The following TMC1 variants were observed in gnomAD, a reference collection of about 807,000 sequenced individuals.
The protein encoded by TMC1 is transmembrane channel like 1, also known as transmembrane channel-like protein 1.
Under a neutral mutation model 105.8 loss-of-function variants are expected in TMC1, and 84 were observed. The observed-to-expected ratio is 0.79, with a 90% confidence interval of 0.67 to 0.95. The LOEUF (loss-of-function observed/expected upper bound fraction) is 0.95, where lower values mean the gene tolerates loss of function less well. Among genes scored for constraint, TMC1 ranks in the 40% least tolerant of loss-of-function variants. The pLI is 0.00. For synonymous variants in TMC1, 315 were observed against 311.5 expected, an observed-to-expected ratio of 1.01 and a Z score of -0.12; for missense variants, 817 against 914.1, an observed-to-expected ratio of 0.89 and a Z score of 1.37.
intron 2 of TMC1, among the ~76,000 whole-genome samples, chr9:72,599,493 A>G (rs1013946512): frequency 6.6e-6 from 1 of 152,198 alleles, no homozygotes; most frequent in Non-Finnish European, 1.5e-5. Flanking sequence ...TGAATTTTCT[A>G]AGAAAAGGCC....
At chr9:72,573,351 G>A (rs1824320595) in intron 1 of TMC1, among the ~76,000 whole-genome samples, 1 of 152,172 alleles carries the variant, frequency 6.6e-6, no homozygotes, top group Non-Finnish European at 1.5e-5. Flanking sequence ...TGGACAGTGT[G>A]TTCTCCTCTA....
Position 72,703,288 on chromosome 9 carries a change from G to C in TMC1, c.362+2645G>C, listed in dbSNP as rs528967338. 1.0e-3 allele frequency among the ~76,000 whole-genome samples: 158 copies of C among 151,846 alleles called. 1 individual carries two copies. The highest frequency in any genetic ancestry group is 1.7e-3 in the Non-Finnish European group (118 of 67,974). The stretch of plus-strand genomic sequence containing the variant: ...ACTATATGTGCACACTACCATGTTT[G>C]GCTAATTTTTTCTTTTTGTGTAGGG... On this transcript the variant is annotated intron_variant, in intron 8 of 23. Coordinates refer to ENST00000297784, the MANE Select transcript of TMC1 (RefSeq NM_138691.3).
intron 18 of TMC1, among the ~76,000 whole-genome samples, chr9:72,815,676 G>C (rs1313676341): frequency 1.3e-5 from 2 of 152,164 alleles, no homozygotes; most frequent in East Asian, 3.9e-4. Flanking sequence ...ATATATCATA[G>C]TATAAATATA....
intron 1 of TMC1, among the ~76,000 whole-genome samples, chr9:72,565,242 C>A (rs968766589): frequency 2.6e-5 from 4 of 152,162 alleles, no homozygotes; most frequent in Admixed American, 6.6e-5. Context: ...AATATTTTTC[C>A]TTACCCTCGG....
chr9:72,710,856 A>G (rs1249947720), intron 8 of TMC1, among the ~76,000 whole-genome samples: 1 of 152,106 alleles, frequency 6.6e-6, no homozygotes, highest in Non-Finnish European at 1.5e-5. Flanking sequence ...ACATAGGTAT[A>G]CACATGCCAT....
chr9:72,684,501 C>T (rs1826343170), intron 5 of TMC1, among the ~76,000 whole-genome samples: 1 of 152,178 alleles, frequency 6.6e-6, no homozygotes, highest in Non-Finnish European at 1.5e-5. Flanking sequence ...CTGTTCCTCA[C>T]CATTTTGAGT....
At chr9:72,621,114 A>G (rs1055368182) in intron 3 of TMC1, among the ~76,000 whole-genome samples, 1 of 152,332 alleles carries the variant, frequency 6.6e-6, no homozygotes, top group South Asian at 2.1e-4. Context: ...TGATTACACA[A>G]ATGTATAGAA....
At chr9:72,643,528 T>C (rs1482444534) in intron 4 of TMC1, among the ~76,000 whole-genome samples, 8 of 152,190 alleles carry the variant, frequency 5.3e-5, no homozygotes, top group Non-Finnish European at 1.2e-4. Flanking sequence ...TCTAGAATTT[T>C]ATGTAAATTA....
chr9:72,805,388 G>A lies in TMC1; in HGVS notation c.1573G>A (p.Val525Met). ...AGAGATAATATCTCAACAGGAGTTT[G>A]TGAGGCTGACAGTCTCTGATGTTCT... ...CWETMVGQEF[V>M]RLTVSDVLTT... Residue 525 changes from valine (V) to methionine (M), a missense_variant, in exon 18 of 24, where the codon GTG becomes ATG. Physicochemically the swap from Val to Met is conservative, Grantham distance 21. Transcript: ENST00000297784. 5 of 1,613,844 alleles carry A rather than the reference G, an allele frequency of 3.1e-6. No homozygotes were observed. The highest frequency in any genetic ancestry group is 2.2e-5 in the South Asian group (2 of 91,076).
intron 8 of TMC1, among the ~76,000 whole-genome samples, chr9:72,702,816 C>A (rs940479967): frequency 3.9e-5 from 6 of 152,088 alleles, no homozygotes; most frequent in Non-Finnish European, 7.4e-5. Flanking sequence ...AGTTCTGTGG[C>A]AGATTTCAAG....
In TMC1 at chr9:72,685,084, C is replaced by G. The variant is rs558946902; in HGVS notation, c.17-3625C>G. 2.9e-4 allele frequency among the ~76,000 whole-genome samples: 43 copies of G among 148,272 alleles called. No homozygotes were observed. In the South Asian group the frequency reaches 7.2e-3, roughly 25 times the overall value. ...AACCCATACATAATCTCAAACCTTA[C>G]TGTTATAAAGTCATTCTTTTTTTTT... On this transcript the variant is annotated intron_variant, in intron 5 of 23. Coordinates refer to ENST00000297784, the MANE Select transcript of TMC1 (RefSeq NM_138691.3).
At chr9:72,600,343 A>G (rs1824787027) in intron 2 of TMC1, among the ~76,000 whole-genome samples, 1 of 152,206 alleles carries the variant, frequency 6.6e-6, no homozygotes, top group South Asian at 2.1e-4. Flanking sequence ...GATTCAGCAT[A>G]TACACATCCT....
In TMC1 at chr9:72,836,055, G is replaced by A. The variant is rs766228750; in HGVS notation, c.*82G>A. On this transcript the variant is annotated 3_prime_UTR_variant, in exon 24 of 24. Transcript: ENST00000297784. ...CAATATGTGAACGCCCAGAGAACAAGCACTGTGGAACTGCTATTTTCCTGT... is the reference window on the plus strand; with the variant it reads ...CAATATGTGAACGCCCAGAGAACAAACACTGTGGAACTGCTATTTTCCTGT... 6 of 1,506,202 alleles carry A rather than the reference G, an allele frequency of 4.0e-6. No individual in the cohort carries two copies. The highest frequency in any genetic ancestry group is 3.7e-6 in the Non-Finnish European group (4 of 1,089,578). The allele number at this position is 1,506,202 out of a possible 1,614,324, so 93.3% of individuals were successfully genotyped here.
intron 18 of TMC1, among the ~76,000 whole-genome samples, chr9:72,811,723 C>T (rs1007097886): frequency 3.3e-5 from 5 of 151,982 alleles, no homozygotes; most frequent in East Asian, 3.9e-4. Flanking sequence ...AAGTGAGAGC[C>T]GAACAGCGAT....
At chr9:72,587,035 G>C (rs1824564613) in intron 2 of TMC1, among the ~76,000 whole-genome samples, 1 of 152,188 alleles carries the variant, frequency 6.6e-6, no homozygotes, top group Admixed American at 6.5e-5. Context: ...CCGGCATCTA[G>C]TGGATAGAGG....
intron 5 of TMC1, among the ~76,000 whole-genome samples, chr9:72,649,928 A>G (rs1436982491): frequency 6.6e-6 from 1 of 152,338 alleles, no homozygotes; most frequent in East Asian, 1.9e-4. Flanking sequence ...ATTGCCAACC[A>G]TCTCATTAAG....
chr9:72,657,228 C>T (rs1364146636), intron 5 of TMC1, among the ~76,000 whole-genome samples: 1 of 152,192 alleles, frequency 6.6e-6, no homozygotes, highest in African/African-American at 2.4e-5. Flanking sequence ...GTTTGGGTTT[C>T]CCCTGCCCAT....
rs566092066 is a variant in TMC1, at chr9:72,541,069, C to A, written c.-428+19156C>A. On this transcript the variant is annotated intron_variant, in intron 1 of 23. Coordinates refer to ENST00000297784, the MANE Select transcript of TMC1 (RefSeq NM_138691.3). Reference sequence around the variant, plus strand: ...TCCAGGTCAAATTTAAATCTACCCTCCTTTCCTTTTTCTCAATGCCAAATT... The same window carrying A: ...TCCAGGTCAAATTTAAATCTACCCTACTTTCCTTTTTCTCAATGCCAAATT... Among the ~76,000 whole-genome samples, 264 of 152,338 alleles carry A rather than the reference C, an allele frequency of 1.7e-3. 2 individuals carry two copies. The highest frequency in any genetic ancestry group is 6.0e-3 in the African/African-American group (251 of 41,578).
At chr9:72,584,930 G>A (rs1182474059) in intron 2 of TMC1, among the ~76,000 whole-genome samples, 3 of 150,756 alleles carry the variant, frequency 2.0e-5, no homozygotes, top group South Asian at 2.1e-4. Flanking sequence ...GATTACAGGC[G>A]TGCACTACCA....
Sources: gnomAD v4.1 joint callset for allele counts (sites outside exome capture counted in the v4.1 genomes callset) on GRCh38, gnomAD v4.1.1 for gene constraint, MANE v1.5 for transcripts, NCBI Gene and HGNC (gene_info 2026-07-23, HGNC 2026-07-21) for gene names.